Variants in DLC1 observed in about 807,000 individuals in gnomAD.
DLC1 encodes DLC1 Rho GTPase activating protein.
Under a neutral mutation model 140.3 loss-of-function variants are expected in DLC1, and 54 were observed. That is an observed-to-expected ratio of 0.38 (90% CI 0.31 to 0.48). DLC1 has a LOEUF of 0.48. DLC1 is among the 20% of genes least tolerant of loss of function. The probability of loss-of-function intolerance (pLI) is 0.96; values close to 1 mark genes in which losing one functional copy is unlikely to be tolerated. For missense variants in DLC1, 2,536 were observed against 1,907.0 expected (o/e 1.33, Z -6.14); for synonymous variants, 986 against 728.1 (o/e 1.35, Z -5.70).
At chr8:13,324,637 TTTC>T (rs945053883) in intron 4 of DLC1, among the ~76,000 whole-genome samples, 1 of 152,098 alleles carries the variant, frequency 6.6e-6, no homozygotes, top group Non-Finnish European at 1.5e-5. Context: ...TATTTTACTT[TTTC>T]TTCTTTGTGC....
chr8:13,113,332 C>A (rs907322703), intron 6 of DLC1, among the ~76,000 whole-genome samples: 2 of 152,182 alleles, frequency 1.3e-5, no homozygotes, highest in African/African-American at 4.8e-5. Context: ...ACTCACCCAG[C>A]ACACAGTGGC....
chr8:13,333,909 A>G (rs1296524951), intron 4 of DLC1, among the ~76,000 whole-genome samples: 1 of 152,206 alleles, frequency 6.6e-6, no homozygotes, highest in Admixed American at 6.5e-5. Flanking sequence ...TGTGTGCCAG[A>G]CACCTTATAC....
At chr8:13,247,646 C>T (rs942635441) in intron 5 of DLC1, among the ~76,000 whole-genome samples, 1 of 152,168 alleles carries the variant, frequency 6.6e-6, no homozygotes, top group African/African-American at 2.4e-5. Flanking sequence ...TCTCAATTGT[C>T]GCATGATACC....
intron 8 of DLC1, 133 bp from the exon 9 acceptor site, chr8:13,100,903 A>ATTTTTT: frequency 1.3e-6 from 1 of 762,524 alleles, no homozygotes; most frequent in Non-Finnish European, 1.8e-6. Context: ...TTAATTTTAA[A>ATTTTTT]GTTTTTTTTT....
At chr8:13,113,145 G>T (rs1286074086) in intron 6 of DLC1, among the ~76,000 whole-genome samples, 1 of 152,138 alleles carries the variant, frequency 6.6e-6, no homozygotes, top group Non-Finnish European at 1.5e-5. Flanking sequence ...TATTTGCCTG[G>T]ACTCCTTTCT....
chr8:13,218,845 TAATTATATA>T (rs1828345317), intron 5 of DLC1, among the ~76,000 whole-genome samples: 1 of 130,690 alleles, frequency 7.7e-6, no homozygotes. Context: ...TATATGAATA[TAATTATATA>T]ATTATATATG....
chr8:13,597,558 A>G (rs1014989437), intron 1 of DLC1, among the ~76,000 whole-genome samples: 5 of 152,054 alleles, frequency 3.3e-5, no homozygotes, highest in Non-Finnish European at 7.4e-5. Context: ...CTTATTTTGT[A>G]TAATCACAAT....
chr8:13,339,996 T>C (rs1833967299), intron 4 of DLC1: 1 of 151,740 alleles, frequency 6.6e-6, no homozygotes, highest in Non-Finnish European at 1.5e-5. Context: ...AAGTAGAAAA[T>C]CAGGTAGCAG....
chr8:13,098,342 GGAACT>G (rs1209833436), intron 10 of DLC1, 52 bp downstream of exon 10: 11 of 1,596,896 alleles, frequency 6.9e-6, no homozygotes, highest in Admixed American at 1.7e-5. Flanking sequence ...ACAACCTCAA[GGAACT>G]GACCAAAAAT....
At chr8:13,349,283 G>T (rs141611482) in intron 4 of DLC1, among the ~76,000 whole-genome samples, 1 of 151,980 alleles carries the variant, frequency 6.6e-6, no homozygotes, top group Non-Finnish European at 1.5e-5. Flanking sequence ...AGGAATGGAG[G>T]GTATGGCTTT....
intron 4 of DLC1, among the ~76,000 whole-genome samples, chr8:13,351,948 G>A (rs1345227974): frequency 6.6e-6 from 1 of 152,222 alleles, no homozygotes; most frequent in Non-Finnish European, 1.5e-5. Context: ...TGGCCAGGCT[G>A]GTCTCGAACT....
intron 5 of DLC1, among the ~76,000 whole-genome samples, chr8:13,195,890 T>C (rs2117045133): frequency 6.6e-6 from 1 of 152,316 alleles, no homozygotes. Flanking sequence ...ATATAGACTG[T>C]CACCTTTTAA....
Position 13,099,917 on chromosome 8 carries a change from A to G in DLC1, c.2420T>C (p.Phe807Ser). Residue 807 changes from phenylalanine (F) to serine (S), a missense_variant, in exon 9 of 18, where the codon TTC becomes TCC. Phe to Ser is a radical substitution (Grantham distance 155, BLOSUM62 -2). Coordinates refer to ENST00000276297, the MANE Select transcript of DLC1 (RefSeq NM_182643.3). ...NRESYPEDTV[F>S]YIPEDHKPGT... Reference sequence around the variant, plus strand: ...AGGCTTGTGATCTTCAGGGATGTAGAACACCGTGTCCTCTGGGTAGCTCTC... The same window carrying G: ...AGGCTTGTGATCTTCAGGGATGTAGGACACCGTGTCCTCTGGGTAGCTCTC... 1 of 1,614,028 alleles carries G rather than the reference A, an allele frequency of 6.2e-7. No individual in the cohort carries two copies. The highest frequency in any genetic ancestry group is 8.5e-7 in the Non-Finnish European group (1 of 1,180,036).
intron 5 of DLC1, among the ~76,000 whole-genome samples, chr8:13,288,599 T>C (rs548582234): frequency 6.6e-6 from 1 of 152,380 alleles, no homozygotes; most frequent in Non-Finnish European, 1.5e-5. Context: ...TTGAGTATCT[T>C]ACCACTTAGC....
At chr8:13,153,841 G>A (rs1824030771) in intron 5 of DLC1, among the ~76,000 whole-genome samples, 1 of 152,028 alleles carries the variant, frequency 6.6e-6, no homozygotes, top group Admixed American at 6.5e-5. Context: ...TACAAACCTT[G>A]AGCTAGACAC....
intron 1 of DLC1, among the ~76,000 whole-genome samples, chr8:13,592,678 G>T (rs568564296): frequency 6.6e-6 from 1 of 152,106 alleles, no homozygotes; most frequent in Non-Finnish European, 1.5e-5. Flanking sequence ...AGGATTTCCA[G>T]TGTTTGGTAT....
chr8:13,542,772 T>C lies in DLC1; in HGVS notation c.-125-42576A>G, dbSNP rs528460016. Among the ~76,000 whole-genome samples the C allele has an allele frequency of 2.6e-4, 39 of 152,300 alleles. No homozygotes were observed. In the South Asian group the frequency reaches 7.7e-3, roughly 30 times the overall value. ...GCTTTTTCTTGATTTCAAGTGTTTT[T>C]GGTTGTATGTAGAAATACGAATTGA... On this transcript the variant is annotated intron_variant, in intron 1 of 1. Transcript: ENST00000631382.
intron 2 of DLC1, among the ~76,000 whole-genome samples, chr8:13,443,672 A>G (rs1798645677): frequency 6.6e-6 from 1 of 151,570 alleles, no homozygotes; most frequent in South Asian, 2.1e-4. Context: ...AAAAAAAAAA[A>G]AAAGAAAAAG....
Position 13,576,970 on chromosome 8 carries a change from A to G in DLC1, c.-126+27567T>C, listed in dbSNP as rs1187709851. The stretch of plus-strand genomic sequence containing the variant: ...CAAAGTGCTTACCGAGGAACATATT[A>G]GTAATATCTCTGACTGTGAAGTGCT... On this transcript the variant is annotated intron_variant, in intron 1 of 1. Coordinates refer to the DLC1 transcript ENST00000631382. Among the ~76,000 whole-genome samples the G allele has an allele frequency of 2.6e-5, 4 of 152,066 alleles. No individual in the cohort carries two copies. In the East Asian group the frequency reaches 7.7e-4, roughly 29 times the overall value.
Sources: gnomAD v4.1 joint callset for allele counts (sites outside exome capture counted in the v4.1 genomes callset) on GRCh38, gnomAD v4.1.1 for gene constraint, MANE v1.5 for transcripts, NCBI Gene and HGNC (gene_info 2026-07-23, HGNC 2026-07-21) for gene names.